Variants in NRXN1 observed in about 807,000 individuals in gnomAD.
NRXN1 encodes the protein neurexin-1.
A neutral mutation model predicts 150.9 loss-of-function variants in NRXN1; 39 were observed. That is an observed-to-expected ratio of 0.26 (90% CI 0.20 to 0.34). The LOEUF is 0.34. NRXN1 is among the 10% of genes least tolerant of loss of function. The pLI, the probability that NRXN1 is intolerant of heterozygous loss-of-function variation, is 1.00. For missense variants in NRXN1, 1,815 were observed against 1,949.9 expected (o/e 0.93, Z 1.30); for synonymous variants, 924 against 757.0 (o/e 1.22, Z -3.62).
intron 15 of NRXN1, among the ~76,000 whole-genome samples, chr2:50,483,574 A>G (rs191259594): frequency 1.3e-5 from 2 of 152,072 alleles, no homozygotes; most frequent in Non-Finnish European, 2.9e-5. Flanking sequence ...GCAACCCTTC[A>G]CAATAGGTAG....
At position 49,954,435 on chromosome 2, in the gene NRXN1, T is replaced by TTA. The variant is rs768745032; in HGVS notation, c.4129-10646_4129-10645dup. 2.0e-5 allele frequency among the ~76,000 whole-genome samples: 3 copies of TTA among 152,152 alleles called. No homozygotes were observed. In the South Asian group the frequency reaches 6.2e-4, roughly 31 times the overall value. On this transcript the variant is annotated intron_variant, in intron 21 of 22. Transcript: ENST00000401669. ...CTCTCTAAATTCTAAGTTCTACTCA[T>TTA]TAGATTGTGAGAACCTGATTTATTT...
intron 2 of NRXN1, among the ~76,000 whole-genome samples, chr2:50,989,210 C>A (rs1003914563): frequency 6.6e-6 from 1 of 151,944 alleles, no homozygotes; most frequent in Non-Finnish European, 1.5e-5. Context: ...CAAGAATTTA[C>A]TAATGACAGT....
intron 5 of NRXN1, among the ~76,000 whole-genome samples, chr2:50,781,551 G>C (rs893495232): frequency 2.0e-5 from 3 of 152,168 alleles, no homozygotes; most frequent in Non-Finnish European, 2.9e-5. Context: ...TCCAAACTTA[G>C]CCTTACCTGT....
chr2:50,296,830 T>C (rs974388911), intron 17 of NRXN1, among the ~76,000 whole-genome samples: 2 of 151,600 alleles, frequency 1.3e-5, no homozygotes, highest in African/African-American at 4.8e-5. Context: ...ACTTAGAATA[T>C]TGGCCTCCAC....
At chr2:50,194,812 C>T (rs1199109744) in intron 18 of NRXN1, among the ~76,000 whole-genome samples, 1 of 152,112 alleles carries the variant, frequency 6.6e-6, no homozygotes, top group Non-Finnish European at 1.5e-5. Context: ...ATGAACTGGT[C>T]TAATTTAAAG....
intron 21 of NRXN1, among the ~76,000 whole-genome samples, chr2:49,967,621 T>A (rs1361357500): frequency 2.0e-5 from 3 of 152,146 alleles, no homozygotes; most frequent in African/African-American, 4.8e-5. Context: ...TAAACCTTCA[T>A]ATCTTTTCTT....
At chr2:50,028,938 A>G (rs1222069411) in intron 21 of NRXN1, among the ~76,000 whole-genome samples, 1 of 152,204 alleles carries the variant, frequency 6.6e-6, no homozygotes, top group Non-Finnish European at 1.5e-5. Context: ...TAATCAAGAT[A>G]CAAAATTTGT....
intron 18 of NRXN1, among the ~76,000 whole-genome samples, chr2:50,163,486 T>G (rs2059491191): frequency 6.6e-6 from 1 of 152,106 alleles, no homozygotes; most frequent in South Asian, 2.1e-4. Flanking sequence ...TTTCTTTACT[T>G]TTGCTAACAC....
chr2:50,144,999 T>G (rs1353469082), intron 18 of NRXN1, among the ~76,000 whole-genome samples: 1 of 151,768 alleles, frequency 6.6e-6, no homozygotes, highest in Non-Finnish European at 1.5e-5. Flanking sequence ...ATTCCTGAAA[T>G]AACTAATATA....
chr2:50,952,787 C>T (rs937775453), intron 2 of NRXN1, among the ~76,000 whole-genome samples: 1 of 152,126 alleles, frequency 6.6e-6, no homozygotes. Context: ...GAATCATACT[C>T]CCCCTTTCGT....
intron 19 of NRXN1, among the ~76,000 whole-genome samples, chr2:50,083,206 T>C (rs1698225328): frequency 6.6e-6 from 1 of 152,164 alleles, no homozygotes; most frequent in African/African-American, 2.4e-5. Flanking sequence ...GGAACAAAAA[T>C]GGCAACTTAC....
chr2:50,414,042 G>C (rs1363156938), intron 17 of NRXN1, among the ~76,000 whole-genome samples: 2 of 112,752 alleles, frequency 1.8e-5, no homozygotes, highest in Non-Finnish European at 3.4e-5. Flanking sequence ...GAAGGGTAGT[G>C]GGGTGGGGGG....
intron 18 of NRXN1, among the ~76,000 whole-genome samples, chr2:50,168,066 C>A (rs780424811): frequency 6.6e-6 from 1 of 151,756 alleles, no homozygotes; most frequent in East Asian, 1.9e-4. Context: ...TGCAATGCAG[C>A]AATATCTTGT....
At chr2:50,448,806 C>T (rs1573012043) in intron 17 of NRXN1, among the ~76,000 whole-genome samples, 1 of 151,946 alleles carries the variant, frequency 6.6e-6, no homozygotes, top group African/African-American at 2.4e-5. Context: ...AGCCACCTGC[C>T]GACTCACTGA....
At chr2:49,982,307 T>C (rs1019799178) in intron 21 of NRXN1, among the ~76,000 whole-genome samples, 2 of 152,166 alleles carry the variant, frequency 1.3e-5, no homozygotes, top group African/African-American at 2.4e-5. Context: ...GGCAAAGGCA[T>C]TGAGGTATAA....
intron 17 of NRXN1, among the ~76,000 whole-genome samples, chr2:50,432,704 G>A (rs886356981): frequency 5.9e-5 from 9 of 152,138 alleles, no homozygotes; most frequent in Admixed American, 2.6e-4. Flanking sequence ...CTAACTGCCT[G>A]GCAGGAGAAT....
chr2:49,922,058 G>A lies in NRXN1; in HGVS notation c.4410C>T (p.Asn1470=), dbSNP rs745969569. 1 of 1,614,096 alleles carries A rather than the reference G, an allele frequency of 6.2e-7. No homozygotes were observed. The highest frequency in any genetic ancestry group is 8.5e-7 in the Non-Finnish European group (1 of 1,180,022). ...TGGACTGTGCTGAGTTACTGATGTAGTTTCGACTCTCGTCCACATGGTATG... is the reference window on the plus strand; with the variant it reads ...TGGACTGTGCTGAGTTACTGATGTAATTTCGACTCTCGTCCACATGGTATG... ...EGSYHVDESR[N]YISNSAQSNG... The change falls in exon 23 of 23, where the codon AAC becomes AAT. Residue 1470 remains asparagine, a synonymous_variant. Coordinates refer to ENST00000401669, the MANE Select transcript of NRXN1 (RefSeq NM_001330078.2).
chr2:50,897,160 T>C (rs1488614869), intron 5 of NRXN1, among the ~76,000 whole-genome samples: 1 of 152,206 alleles, frequency 6.6e-6, no homozygotes, highest in Non-Finnish European at 1.5e-5. Context: ...GTTTATCAGC[T>C]TCAGTGTCAA....
intron 18 of NRXN1, among the ~76,000 whole-genome samples, chr2:50,159,715 T>C (rs2059245332): frequency 6.6e-6 from 1 of 152,004 alleles, no homozygotes; most frequent in African/African-American, 2.4e-5. Context: ...GAAAGGGCTG[T>C]GAAAGGAGAG....
Sources: allele counts gnomAD v4.1 joint callset (sites outside exome capture counted in the v4.1 genomes callset), GRCh38; gene constraint gnomAD v4.1.1; transcripts MANE v1.5; gene names NCBI Gene and HGNC (gene_info 2026-07-23, HGNC 2026-07-21).